ANKRD10: variants seen among roughly 807,000 people sequenced by gnomAD.
ANKRD10 encodes ankyrin repeat domain-containing protein 10.
A neutral mutation model predicts 27.0 loss-of-function variants in ANKRD10; 14 were observed. The observed-to-expected ratio is 0.52, with a 90% CI of 0.34 to 0.81. The LOEUF (loss-of-function observed/expected upper bound fraction) is 0.81. Among genes scored for constraint, ANKRD10 ranks in the 40% least tolerant of loss-of-function variants. The pLI is 0.01. For synonymous variants in ANKRD10, 250 were observed against 224.5 expected (o/e 1.11, Z -1.01); for missense variants, 493 against 544.0 (o/e 0.91, Z 0.93).
chr13:110,886,027 C>G (rs534494397), intron 4 of ANKRD10, among the ~76,000 whole-genome samples: 1 of 152,338 alleles, frequency 6.6e-6, no homozygotes, highest in South Asian at 2.1e-4. Flanking sequence ...GAAACAAAAA[C>G]ACAAGGTAAA....
intron 3 of ANKRD10, among the ~76,000 whole-genome samples, chr13:110,897,052 A>G (rs963884525): frequency 2.0e-5 from 3 of 152,192 alleles, no homozygotes; most frequent in African/African-American, 7.2e-5. Context: ...TGAATTAGCC[A>G]TACAAAAAAA....
In ANKRD10 at chr13:110,903,363, A is replaced by G. The variant is rs567541979; in HGVS notation, c.455+2670T>C. ...AATTTTTAGATGTAAACAATGGCAA[A>G]TAATAATGACCAACATATAAGCCAG... On this transcript the variant is annotated intron_variant, in intron 3 of 5. Coordinates refer to ENST00000267339, the MANE Select transcript of ANKRD10 (RefSeq NM_017664.4). The G allele has an allele frequency of 4.6e-5, 7 of 153,446 alleles. No individual in the cohort carries two copies. The East Asian group carries it at 1.3e-3, about 30-fold the overall frequency. The allele number at this position is 153,446 out of a possible 1,614,324, so 9.5% of individuals were successfully genotyped here.
At position 110,893,198 on chromosome 13, in the gene ANKRD10, GCA is replaced by G; in HGVS notation, c.519_520del (p.Ala174ProfsTer16). The G allele has an allele frequency of 6.2e-7, 1 of 1,614,128 alleles. No homozygotes were observed. The highest frequency in any genetic ancestry group is 8.5e-7 in the Non-Finnish European group (1 of 1,180,010). On this transcript the variant is annotated frameshift_variant, in exon 4 of 6. Coordinates refer to ENST00000267339, the MANE Select transcript of ANKRD10 (RefSeq NM_017664.4). LOFTEE classifies it high-confidence loss of function. Reference sequence around the variant, plus strand: ...ATTCTGGAGGTTCAAGAGAAACTGGGCACACTCTTGGAAACCCTGGGTTTGTG... The same window carrying G: ...ATTCTGGAGGTTCAAGAGAAACTGGGCACTCTTGGAAACCCTGGGTTTGTG...
intron 3 of ANKRD10, among the ~76,000 whole-genome samples, chr13:110,902,050 A>AAG (rs1491276429): frequency 1.1e-3 from 6 of 5,224 alleles, no homozygotes; most frequent in Non-Finnish European, 2.1e-3. Context: ...CTCTTTTTAG[A>AAG]AAAAAAAAAA....
At chr13:110,906,008 G>T (rs754342456) in intron 3 of ANKRD10, 25 bp downstream of exon 3, 2 of 1,559,696 alleles carry the variant, frequency 1.3e-6, no homozygotes, top group Non-Finnish European at 1.7e-6. Context: ...TCTTTAGCTG[G>T]AAAGAATAAA....
chr13:110,890,731 C>A (rs2065052220), intron 4 of ANKRD10, among the ~76,000 whole-genome samples: 1 of 152,176 alleles, frequency 6.6e-6, no homozygotes, highest in African/African-American at 2.4e-5. Context: ...AGTGCCGGCT[C>A]CAACCATATT....
At chr13:110,910,890 A>C (rs995034248) in intron 1 of ANKRD10, 120 bp from the exon 2 acceptor site, 25 of 1,050,136 alleles carry the variant, frequency 2.4e-5, no homozygotes, top group Non-Finnish European at 3.2e-5. Flanking sequence ...TTTTTAACAG[A>C]TTAAGTCACT....
At chr13:110,904,571 AATC>A (rs1474137515) in intron 3 of ANKRD10, among the ~76,000 whole-genome samples, 4 of 152,352 alleles carry the variant, frequency 2.6e-5, no homozygotes, top group African/African-American at 7.2e-5. Flanking sequence ...CAAGCAATTT[AATC>A]ATGTTATGAC....
intron 3 of ANKRD10, among the ~76,000 whole-genome samples, chr13:110,902,117 C>G (rs1452807838): frequency 6.8e-6 from 1 of 147,994 alleles, no homozygotes; most frequent in Non-Finnish European, 1.5e-5. Context: ...TTCAGAGGAC[C>G]TAAAATCAGA....
intron 4 of ANKRD10, among the ~76,000 whole-genome samples, chr13:110,892,415 G>GAAAAAAAAAAAAAAAAAAAA (rs1381734881): frequency 0.013 from 34 of 2,576 alleles, 3 homozygotes; most frequent in Middle Eastern, 0.12. Flanking sequence ...GGGTGACAGA[G>GAAAAAAAAAAAAAAAAAAAA]CAAAAAAAAA....
chr13:110,882,873 A>C (rs1750356866), intron 5 of ANKRD10, among the ~76,000 whole-genome samples: 2 of 152,210 alleles, frequency 1.3e-5, no homozygotes, highest in African/African-American at 4.8e-5. Flanking sequence ...ATAAAGACAT[A>C]ATAAACTTAA....
intron 4 of ANKRD10, chr13:110,892,810 C>T: frequency 7.5e-7 from 1 of 1,335,830 alleles, no homozygotes. Context: ...TAGACATTTA[C>T]ACTTGGGCCA....
chr13:110,900,859 C>A (rs1054464270), intron 3 of ANKRD10: 3 of 371,922 alleles, frequency 8.1e-6, no homozygotes, highest in African/African-American at 4.3e-5. Context: ...CAGAAGCACA[C>A]TGAGCTTAAG....
At chr13:110,900,443 T>C (rs1157666165) in intron 3 of ANKRD10, 1 of 1,024,864 alleles carries the variant, frequency 9.8e-7, no homozygotes, top group Non-Finnish European at 1.2e-6. Flanking sequence ...GTAGATATCA[T>C]AAATTAGGTA....
chr13:110,881,490 A>G (rs2064817804), intron 5 of ANKRD10, among the ~76,000 whole-genome samples: 1 of 151,468 alleles, frequency 6.6e-6, no homozygotes, highest in African/African-American at 2.4e-5. Context: ...TAAGCAACAT[A>G]GTTTAATAAT....
chr13:110,888,267 G>C (rs190066321), intron 4 of ANKRD10, among the ~76,000 whole-genome samples: 59 of 137,494 alleles, frequency 4.3e-4, no homozygotes, highest in Middle Eastern at 3.7e-3. Context: ...GTCCACAACT[G>C]TGCTGAGGAC....
chr13:110,915,021 C>A lies in ANKRD10; in HGVS notation c.-87G>T, dbSNP rs535358945. 1.4e-6 allele frequency: 2 copies of A among 1,465,030 alleles called. No homozygotes were observed. The highest frequency in any genetic ancestry group is 5.1e-5 in the East Asian group (2 of 39,384). 90.8% of individuals were successfully genotyped at this position (1,465,030 alleles called of 1,614,324 possible). On this transcript the variant is annotated 5_prime_UTR_variant, in exon 1 of 6. Coordinates refer to ENST00000267339, the MANE Select transcript of ANKRD10 (RefSeq NM_017664.4). ...AAGCCGCCGCCGCAGCACAAAGGAA[C>A]GAGACTAGCGCCGCGGTCGCGTCCC...
chr13:110,890,017 AT>A (rs530317936), intron 4 of ANKRD10, among the ~76,000 whole-genome samples: 83 of 152,306 alleles, frequency 5.4e-4, no homozygotes, highest in African/African-American at 1.9e-3. Context: ...AGTATTTTAT[AT>A]ACATGTGTTA....
At chr13:110,914,660 A>T in intron 1 of ANKRD10, 65 bp downstream of exon 1, 1 of 1,503,998 alleles carries the variant, frequency 6.6e-7, no homozygotes, top group Non-Finnish European at 8.9e-7. Context: ...CGCACCTCAG[A>T]CCCGCTTTCC....
Sources: allele counts gnomAD v4.1 joint callset (sites outside exome capture counted in the v4.1 genomes callset), GRCh38; gene constraint gnomAD v4.1.1; transcripts MANE v1.5; gene names NCBI Gene and HGNC (gene_info 2026-07-23, HGNC 2026-07-21).